Variants in SNTG1 observed in about 807,000 individuals in gnomAD.
SNTG1 encodes syntrophin gamma 1.
Under a neutral mutation model 74.7 loss-of-function variants are expected in SNTG1, and 39 were observed. That is an observed-to-expected ratio of 0.52 (90% CI 0.40 to 0.68). The LOEUF (loss-of-function observed/expected upper bound fraction) is 0.68, where lower values mean the gene tolerates loss of function less well. Among genes scored for constraint, SNTG1 ranks in the 30% least tolerant of loss-of-function variants. The pLI is 0.00. For synonymous variants in SNTG1, 254 were observed against 217.1 expected (o/e 1.17, Z -1.49); for missense variants, 685 against 609.5 (o/e 1.12, Z -1.30).
intron 2 of SNTG1, among the ~76,000 whole-genome samples, chr8:50,269,555 A>G (rs2130254638): frequency 6.6e-6 from 1 of 151,066 alleles, no homozygotes; most frequent in Admixed American, 6.6e-5. Flanking sequence ...AAAGTTAAGG[A>G]AAAAAAATTA....
intron 12 of SNTG1, among the ~76,000 whole-genome samples, chr8:50,577,024 T>G (rs957621387): frequency 6.6e-6 from 1 of 152,208 alleles, no homozygotes; most frequent in Non-Finnish European, 1.5e-5. Context: ...CATCTTTGTC[T>G]TGTTCCTGAT....
chr8:50,307,916 C>T (rs1218939669), intron 2 of SNTG1, among the ~76,000 whole-genome samples: 1 of 152,006 alleles, frequency 6.6e-6, no homozygotes, highest in Non-Finnish European at 1.5e-5. Flanking sequence ...AAGGCACTGT[C>T]CCACATTCTG....
intron 12 of SNTG1, among the ~76,000 whole-genome samples, chr8:50,577,041 G>A (rs2094580597): frequency 6.6e-6 from 1 of 152,108 alleles, no homozygotes; most frequent in Admixed American, 6.6e-5. Flanking sequence ...TGATCACATA[G>A]GAACATATTA....
chr8:50,467,549 A>G (rs765429396), intron 8 of SNTG1, among the ~76,000 whole-genome samples: 52 of 151,774 alleles, frequency 3.4e-4, no homozygotes, highest in Non-Finnish European at 7.4e-5. Context: ...TGAGTTTCCT[A>G]GCAATTTCTC....
At chr8:50,302,070 T>A (rs2089676544) in intron 2 of SNTG1, among the ~76,000 whole-genome samples, 1 of 152,180 alleles carries the variant, frequency 6.6e-6, no homozygotes, top group Admixed American at 6.5e-5. Flanking sequence ...TTGGTCAGGC[T>A]GGTCTGCTTT....
chr8:50,248,648 T>C (rs1305034610), intron 2 of SNTG1, among the ~76,000 whole-genome samples: 1 of 152,110 alleles, frequency 6.6e-6, no homozygotes, highest in Non-Finnish European at 1.5e-5. Flanking sequence ...TCTATCTCTA[T>C]CTAGATATAT....
At chr8:50,409,769 G>A (rs539590325) in intron 4 of SNTG1, among the ~76,000 whole-genome samples, 15 of 152,236 alleles carry the variant, frequency 9.9e-5, no homozygotes, top group South Asian at 8.3e-4. Context: ...AAATATTGAC[G>A]AAATATTTTT....
rs533450123 is a variant in SNTG1, at chr8:50,148,591, C to T, written c.-102-23970C>T. On this transcript the variant is annotated intron_variant, in intron 1 of 18. Coordinates refer to ENST00000642720, the MANE Select transcript of SNTG1 (RefSeq NM_018967.5). ...ACAGGCCCCAGTGTGTGATGTTCCC[C>T]TTCCTGTGTCCAAGTGTTCTCATTG... is the stretch of plus-strand genomic sequence containing the variant. 3.9e-5 allele frequency among the ~76,000 whole-genome samples: 6 copies of T among 152,272 alleles called. No individual in the cohort carries two copies. In the South Asian group the frequency reaches 1.2e-3, roughly 32 times the overall value.
chr8:50,131,405 AT>A (rs1237672528), intron 1 of SNTG1, among the ~76,000 whole-genome samples: 1 of 152,210 alleles, frequency 6.6e-6, no homozygotes, highest in East Asian at 1.9e-4. Flanking sequence ...TTCCACACAT[AT>A]GTGAAATCAT....
At chr8:50,480,914 T>A (rs756029632) in intron 8 of SNTG1, among the ~76,000 whole-genome samples, 61 of 152,314 alleles carry the variant, frequency 4.0e-4, no homozygotes, top group Middle Eastern at 3.4e-3. Flanking sequence ...CTCAAAACTA[T>A]AATTACCACA....
chr8:50,266,949 C>T (rs891823122), intron 2 of SNTG1, among the ~76,000 whole-genome samples: 1 of 151,838 alleles, frequency 6.6e-6, no homozygotes, highest in African/African-American at 2.4e-5. Context: ...ACAAGATCAC[C>T]ACGCCCCAGA....
At chr8:49,935,390 T>TC (rs911370754) in intron 1 of SNTG1, among the ~76,000 whole-genome samples, 5 of 100,698 alleles carry the variant, frequency 5.0e-5, no homozygotes, top group African/African-American at 2.3e-4. Context: ...AGCCATTAAT[T>TC]CCTTTTTTTT....
chr8:50,686,085 G>T (rs1050353009), intron 15 of SNTG1, among the ~76,000 whole-genome samples: 1 of 152,054 alleles, frequency 6.6e-6, no homozygotes, highest in Non-Finnish European at 1.5e-5. Flanking sequence ...CACATTATGA[G>T]ATATTAGAAA....
chr8:50,030,919 C>T (rs570343351), intron 1 of SNTG1, among the ~76,000 whole-genome samples: 1 of 151,868 alleles, frequency 6.6e-6, no homozygotes, highest in African/African-American at 2.4e-5. Context: ...CCTGTATACA[C>T]ATTTGTAGAG....
intron 1 of SNTG1, among the ~76,000 whole-genome samples, chr8:50,143,864 T>A (rs1177427697): frequency 6.6e-6 from 1 of 152,230 alleles, no homozygotes; most frequent in Non-Finnish European, 1.5e-5. Flanking sequence ...ACAGCTACAC[T>A]CTGCTGCTTA....
At chr8:50,048,104 G>GA (rs957215257) in intron 1 of SNTG1, among the ~76,000 whole-genome samples, 1 of 151,536 alleles carries the variant, frequency 6.6e-6, no homozygotes, top group Admixed American at 6.6e-5. Context: ...TGGCATCCAT[G>GA]AAAAAAAATA....
intron 2 of SNTG1, among the ~76,000 whole-genome samples, chr8:50,226,593 A>G (rs1229553790): frequency 6.6e-6 from 1 of 152,150 alleles, no homozygotes; most frequent in Non-Finnish European, 1.5e-5. Context: ...CTTTCTATCA[A>G]TCCCAGGTCT....
At chr8:50,293,226 T>C (rs79478840) in intron 2 of SNTG1, among the ~76,000 whole-genome samples, 7,970 of 152,228 alleles carry the variant, frequency 0.052, 235 homozygotes, top group Middle Eastern at 0.12. Context: ...TTCTGAAGGC[T>C]AGAAGTCCAA....
chr8:50,638,147 A>G (rs567359689), intron 13 of SNTG1, among the ~76,000 whole-genome samples: 6 of 152,236 alleles, frequency 3.9e-5, no homozygotes, highest in Admixed American at 3.9e-4. Context: ...TAAGGAGTGC[A>G]TGCAGTCTCT....
Sources: allele counts gnomAD v4.1 joint callset (sites outside exome capture counted in the v4.1 genomes callset), GRCh38; gene constraint gnomAD v4.1.1; transcripts MANE v1.5; gene names NCBI Gene and HGNC (gene_info 2026-07-23, HGNC 2026-07-21).